Variants in PPM1L observed in about 807,000 individuals in gnomAD.
PPM1L encodes the protein protein phosphatase 1L.
Under a neutral mutation model 31.4 loss-of-function variants are expected in PPM1L, and 13 were observed. The observed-to-expected ratio is 0.41, with a 90% CI of 0.27 to 0.66. The LOEUF is 0.66. PPM1L is among the 30% of genes least tolerant of loss of function. The probability of loss-of-function intolerance (pLI) is 0.29; values close to 1 mark genes in which losing one functional copy is unlikely to be tolerated. For missense variants in PPM1L, 326 were observed against 453.7 expected (o/e 0.72, Z 2.56); for synonymous variants, 184 against 175.4 (o/e 1.05, Z -0.39).
rs150688350 is a variant in PPM1L at position 160,770,746 on chromosome 3, A to T, written c.399+14039A>T. ...CTCAGGAATCCTGCCCTCTGGTTTC[A>T]GAAAAGTGGGAGCTCTGGAGCCATT... On this transcript the variant is annotated intron_variant, in intron 1 of 3. Coordinates refer to ENST00000498165, the MANE Select transcript of PPM1L (RefSeq NM_139245.4). 3.3e-3 allele frequency among the ~76,000 whole-genome samples: 504 copies of T among 152,332 alleles called. 7 individuals carry two copies. The South Asian group carries it at 0.043, about 13-fold the overall frequency.
chr3:160,825,502 G>A (rs890758114), intron 1 of PPM1L, among the ~76,000 whole-genome samples: 1 of 152,098 alleles, frequency 6.6e-6, no homozygotes, highest in African/African-American at 2.4e-5. Context: ...ATGCATTGCT[G>A]CATCCTCTGA....
intron 1 of PPM1L, among the ~76,000 whole-genome samples, chr3:160,920,026 TG>T (rs1003362276): frequency 6.6e-6 from 1 of 152,060 alleles, no homozygotes; most frequent in African/African-American, 2.4e-5. Flanking sequence ...CCTGGGAACA[TG>T]GGCAGATGTC....
intron 1 of PPM1L, among the ~76,000 whole-genome samples, chr3:160,814,663 G>A (rs1033036948): frequency 6.9e-6 from 1 of 145,250 alleles, no homozygotes; most frequent in African/African-American, 2.6e-5. Context: ...ATACACACAC[G>A]GTATATACCA....
intron 1 of PPM1L, among the ~76,000 whole-genome samples, chr3:160,840,520 T>G (rs1208338388): frequency 1.3e-5 from 2 of 152,064 alleles, no homozygotes; most frequent in Non-Finnish European, 2.9e-5. Context: ...GTGGACGGCA[T>G]GCAAGCTGAA....
chr3:160,885,034 T>C (rs1436178403), intron 1 of PPM1L, among the ~76,000 whole-genome samples: 1 of 152,156 alleles, frequency 6.6e-6, no homozygotes, highest in African/African-American at 2.4e-5. Flanking sequence ...GCAAATTCTA[T>C]AGTTCTTTTC....
chr3:160,924,994 T>C (rs1036046360), intron 1 of PPM1L, among the ~76,000 whole-genome samples: 8 of 152,218 alleles, frequency 5.3e-5, no homozygotes, highest in African/African-American at 1.9e-4. Context: ...AGCAAAAATA[T>C]GTAAAAAGAC....
chr3:161,063,853 A>G, intron 2 of PPM1L, among the ~76,000 whole-genome samples: 1 of 152,208 alleles, frequency 6.6e-6, no homozygotes, highest in African/African-American at 2.4e-5. Flanking sequence ...AAAAGGATGA[A>G]TTCATGTCCT....
At chr3:160,952,922 A>G (rs151022969) in intron 1 of PPM1L, among the ~76,000 whole-genome samples, 1 of 152,184 alleles carries the variant, frequency 6.6e-6, no homozygotes, top group East Asian at 1.9e-4. Context: ...TTCAGATTAT[A>G]ATTGTGTGTG....
At chr3:160,916,525 A>G (rs6796201) in intron 1 of PPM1L, among the ~76,000 whole-genome samples, 63,542 of 152,028 alleles carry the variant, frequency 0.42, 14,814 homozygotes, top group Non-Finnish European at 0.54. Flanking sequence ...ATAGAAAAAT[A>G]TCGATAAAAA....
intron 1 of PPM1L, among the ~76,000 whole-genome samples, chr3:160,937,554 A>C (rs1014998930): frequency 2.6e-5 from 4 of 152,178 alleles, no homozygotes; most frequent in African/African-American, 9.7e-5. Context: ...CAGGAGGCTG[A>C]GCTTGCAGTG....
intron 2 of PPM1L, among the ~76,000 whole-genome samples, chr3:161,035,352 T>A (rs1253303663): frequency 6.6e-6 from 1 of 152,194 alleles, no homozygotes; most frequent in Non-Finnish European, 1.5e-5. Flanking sequence ...GGAAAACTTC[T>A]GTTTCATGGT....
intron 1 of PPM1L, among the ~76,000 whole-genome samples, chr3:160,837,366 T>C (rs2108102201): frequency 6.6e-6 from 1 of 152,284 alleles, no homozygotes; most frequent in Non-Finnish European, 1.5e-5. Flanking sequence ...GCCATGTGGG[T>C]AATAAATTAG....
intron 1 of PPM1L, among the ~76,000 whole-genome samples, chr3:160,940,028 G>A (rs1221513934): frequency 6.6e-6 from 1 of 152,212 alleles, no homozygotes; most frequent in Non-Finnish European, 1.5e-5. Flanking sequence ...TGGAGACGAG[G>A]AACTTGCTGG....
intron 2 of PPM1L, among the ~76,000 whole-genome samples, chr3:161,005,267 T>C (rs1419640036): frequency 1.3e-5 from 2 of 152,192 alleles, no homozygotes; most frequent in Non-Finnish European, 2.9e-5. Context: ...ACTGTGGATC[T>C]TTCTAATTTA....
At chr3:160,832,250 C>T (rs1713543705) in intron 1 of PPM1L, among the ~76,000 whole-genome samples, 1 of 152,054 alleles carries the variant, frequency 6.6e-6, no homozygotes, top group African/African-American at 2.4e-5. Flanking sequence ...AAACAGGACT[C>T]TGCTTGGTGG....
intron 2 of PPM1L, among the ~76,000 whole-genome samples, chr3:161,046,370 C>A (rs991225164): frequency 6.6e-6 from 1 of 151,936 alleles, no homozygotes; most frequent in Non-Finnish European, 1.5e-5. Flanking sequence ...ACACATACAC[C>A]ATCCCGAGAC....
intron 1 of PPM1L, among the ~76,000 whole-genome samples, chr3:160,861,099 G>T (rs1014273247): frequency 1.3e-5 from 2 of 152,164 alleles, no homozygotes; most frequent in African/African-American, 4.8e-5. Context: ...GTTCAAAGTG[G>T]AAGGTCACGT....
At chr3:161,011,270 C>G (rs907449444) in intron 2 of PPM1L, among the ~76,000 whole-genome samples, 6 of 152,062 alleles carry the variant, frequency 3.9e-5, no homozygotes, top group Non-Finnish European at 7.4e-5. Context: ...TTATTAAATA[C>G]GGAATCCTTT....
At chr3:160,901,278 G>A (rs988572410) in intron 1 of PPM1L, among the ~76,000 whole-genome samples, 2 of 152,064 alleles carry the variant, frequency 1.3e-5, no homozygotes, top group Non-Finnish European at 2.9e-5. Context: ...ACCCAAACCT[G>A]AACTTTCCTA....
Sources: gnomAD v4.1 joint callset for allele counts (sites outside exome capture counted in the v4.1 genomes callset) on GRCh38, gnomAD v4.1.1 for gene constraint, MANE v1.5 for transcripts, NCBI Gene and HGNC (gene_info 2026-07-23, HGNC 2026-07-21) for gene names.